The following UBAC1 variants were observed in gnomAD, a reference collection of about 807,000 sequenced individuals.
UBAC1 encodes UBA domain containing 1, also known as ubiquitin-associated domain-containing protein 1.
A neutral mutation model predicts 45.9 loss-of-function variants in UBAC1; 27 were observed. The observed-to-expected ratio is 0.59, with a 90% CI of 0.43 to 0.81. The LOEUF is 0.81. Ranked by LOEUF, UBAC1 falls within the 30% of genes least tolerant of loss-of-function variation. UBAC1 has a pLI of 0.00. For missense variants in UBAC1, 529 were observed against 539.2 expected, an observed-to-expected ratio of 0.98 and a Z score of 0.19; for synonymous variants, 227 against 215.5, an observed-to-expected ratio of 1.05 and a Z score of -0.47.
intron 1 of UBAC1, among the ~76,000 whole-genome samples, chr9:135,958,294 G>A: frequency 6.6e-6 from 1 of 152,148 alleles, no homozygotes; most frequent in East Asian, 1.9e-4. Context: ...TGATCTGCCT[G>A]TCTTGGCCTC....
chr9:135,960,956 T>A, intron 1 of UBAC1, 69 bp downstream of exon 1: 1 of 1,374,466 alleles, frequency 7.3e-7, no homozygotes, highest in South Asian at 1.4e-5. Flanking sequence ...GTTCGGGGAC[T>A]GAGGCGGGGT....
chr9:135,957,884 T>C (rs889273024), intron 1 of UBAC1, among the ~76,000 whole-genome samples: 1 of 149,650 alleles, frequency 6.7e-6, no homozygotes, highest in African/African-American at 2.5e-5. Flanking sequence ...AAGCGATTCT[T>C]GTGCCTCAGC....
rs34065736 is a variant in UBAC1, at chr9:135,950,270, T to C, written c.334-2365A>G. Among the ~76,000 whole-genome samples, 1,510 of 152,304 alleles carry C rather than the reference T, an allele frequency of 9.9e-3. 22 individuals are homozygous for C. The highest frequency in any genetic ancestry group is 0.015 in the Non-Finnish European group (1,040 of 68,018). ...AGCAGCTACATGTGTGGCGATTTGT[T>C]AGGTGGCAACGGAAAACTTGCATAG... On this transcript the variant is annotated intron_variant, in intron 3 of 9. Coordinates refer to ENST00000371756, the MANE Select transcript of UBAC1 (RefSeq NM_016172.3).
rs989707491 is a variant in UBAC1 at position 135,960,022 on chromosome 9, G to A, written c.138+1003C>T. 7.2e-5 allele frequency among the ~76,000 whole-genome samples: 11 copies of A among 152,336 alleles called. No homozygotes were observed. The South Asian group carries it at 2.3e-3, about 32-fold the overall frequency. ...AGCAACTCGAAAGTACTGTATGCGA[G>A]CAGCTACTATGGTAAGAACTGAAGT... On this transcript the variant is annotated intron_variant, in intron 1 of 9. Transcript: ENST00000371756.
intron 3 of UBAC1, among the ~76,000 whole-genome samples, chr9:135,951,518 A>G (rs1156853937): frequency 6.6e-6 from 1 of 152,084 alleles, no homozygotes; most frequent in Admixed American, 6.5e-5. Context: ...TAAATTAAAA[A>G]TTAATGTAGG....
Position 135,935,808 on chromosome 9 carries a change from C to CCT in UBAC1, c.1103-2294_1103-2293insAG, listed in dbSNP as rs1564193914. On this transcript the variant is annotated intron_variant, in intron 9 of 9. Transcript: ENST00000371756. ...TTGGGAGGCCGAGACGGGCGGATCA[C>CCT]GAGGTCAGGAGATCAAGACCATCCT... Among the ~76,000 whole-genome samples, 5 of 152,220 alleles carry CCT rather than the reference C, an allele frequency of 3.3e-5. No homozygotes were observed. In the East Asian group the frequency reaches 9.7e-4, roughly 29 times the overall value.
intron 3 of UBAC1, among the ~76,000 whole-genome samples, chr9:135,948,529 G>A (rs1588534195): frequency 1.3e-5 from 2 of 152,216 alleles, no homozygotes; most frequent in South Asian, 2.1e-4. Context: ...TCCATCCCCC[G>A]CCACCCTGCC....
At position 135,947,779 on chromosome 9, in the gene UBAC1, G is replaced by A. The variant is rs184393232; in HGVS notation, c.441+19C>T. ...ACGGGGACCCCATGCACCCGCCGCC[G>A]CTCTGGGCTGACACTCACGTCTCTC... On this transcript the variant is annotated intron_variant, in intron 4 of 9. Coordinates refer to ENST00000371756, the MANE Select transcript of UBAC1 (RefSeq NM_016172.3). The A allele has an allele frequency of 1.2e-4, 192 of 1,605,248 alleles. 2 individuals are homozygous for A. The South Asian group carries it at 1.8e-3, about 15-fold the overall frequency.
Position 135,947,910 on chromosome 9 carries a change from A to G in UBAC1, c.334-5T>C. 6.2e-7 allele frequency: 1 copy of G among 1,612,738 alleles called. No individual in the cohort carries two copies. On this transcript the variant is annotated splice_polypyrimidine_tract_variant and splice_region_variant and intron_variant, in intron 3 of 9. Coordinates refer to ENST00000371756, the MANE Select transcript of UBAC1 (RefSeq NM_016172.3). ...AGCTTTCTGGTCTTGTTTTTTCTACACAGAAACGTAATCAGAAAGTCTGAG... is the reference window on the plus strand; with the variant it reads ...AGCTTTCTGGTCTTGTTTTTTCTACGCAGAAACGTAATCAGAAAGTCTGAG...
chr9:135,937,167 C>T (rs1839211029), intron 9 of UBAC1, among the ~76,000 whole-genome samples: 1 of 152,036 alleles, frequency 6.6e-6, no homozygotes. Flanking sequence ...GAACTCAGCT[C>T]CTGGGGACCA....
In UBAC1 at chr9:135,933,353, G is replaced by A. The variant is rs112188768; in HGVS notation, c.*47C>T. 0.014 allele frequency: 20,737 copies of A among 1,534,576 alleles called. 189 individuals are homozygous for A. Among genetic ancestry groups the A allele is most frequent in the Non-Finnish European group, 0.016 (17,249 of 1,108,056 alleles). On this transcript the variant is annotated 3_prime_UTR_variant, in exon 10 of 10. Transcript: ENST00000371756. ...GGTCCACTCTGCCCGGTCTCGGGCCGCACCAGGGGGCTGCTGTGGCCTGAT... is the reference window on the plus strand; with the variant it reads ...GGTCCACTCTGCCCGGTCTCGGGCCACACCAGGGGGCTGCTGTGGCCTGAT...
chr9:135,939,869 A>G (rs1839248029), intron 7 of UBAC1, 110 bp from the exon 8 acceptor site: 2 of 843,826 alleles, frequency 2.4e-6, no homozygotes, highest in African/African-American at 1.7e-5. Flanking sequence ...GGTGCTCCCA[A>G]CAGCACTGAG....
intron 1 of UBAC1, among the ~76,000 whole-genome samples, chr9:135,959,041 T>A (rs1261984610): frequency 6.6e-6 from 1 of 152,200 alleles, no homozygotes; most frequent in African/African-American, 2.4e-5. Context: ...TAACTGACCC[T>A]CCGTGCTCCT....
intron 7 of UBAC1, among the ~76,000 whole-genome samples, chr9:135,940,841 C>A (rs1250671685): frequency 6.6e-6 from 1 of 152,162 alleles, no homozygotes; most frequent in Non-Finnish European, 1.5e-5. Context: ...CCTGAAAGGT[C>A]AGATCCCACT....
intron 6 of UBAC1, 36 bp from the exon 7 acceptor site, chr9:135,945,286 C>T (rs745980714): frequency 3.3e-6 from 5 of 1,517,236 alleles, no homozygotes; most frequent in Non-Finnish European, 4.4e-6. Flanking sequence ...CATCCCCAGA[C>T]TAACGGACCA....
chr9:135,952,289 G>C (rs934709892), intron 3 of UBAC1, among the ~76,000 whole-genome samples: 1 of 152,250 alleles, frequency 6.6e-6, no homozygotes, highest in South Asian at 2.1e-4. Flanking sequence ...GCCCAAAAGA[G>C]TTTGACCTGC....
intron 7 of UBAC1, among the ~76,000 whole-genome samples, chr9:135,943,965 CA>C (rs1839297270): frequency 8.6e-5 from 13 of 152,014 alleles, no homozygotes; most frequent in African/African-American, 3.1e-4. Context: ...CACCGGGGCC[CA>C]TCAGGGGGTC....
chr9:135,953,776 C>G, intron 2 of UBAC1, 23 bp from the exon 3 acceptor site: 1 of 1,605,046 alleles, frequency 6.2e-7, no homozygotes, highest in African/African-American at 1.3e-5. Context: ...ACACGTATAT[C>G]CAACACACTG....
rs368954201 is a variant in UBAC1 at position 135,946,305 on chromosome 9, T to C, written c.508A>G (p.Asn170Asp). The C allele has an allele frequency of 3.1e-6, 5 of 1,613,918 alleles. No individual in the cohort carries two copies. In the African/African-American group the frequency reaches 6.7e-5, roughly 22 times the overall value. The change falls in exon 5 of 10, where the codon AAC (asparagine) becomes GAC (aspartate). Residue 170 changes from asparagine to aspartate, a missense_variant. Transcript: ENST00000371756. ...IEVAQKLLAL[N>D]PDAVELFKKA... ...TTAAACAATTCCACTGCATCTGGGT[T>C]CAGCGCTAACAGCTTCTGCGCCACC...
Sources: gnomAD v4.1 joint callset for allele counts (sites outside exome capture counted in the v4.1 genomes callset) on GRCh38, gnomAD v4.1.1 for gene constraint, MANE v1.5 for transcripts, NCBI Gene and HGNC (gene_info 2026-07-23, HGNC 2026-07-21) for gene names.